The following ROBO1 variants were observed in gnomAD, a reference collection of about 807,000 sequenced individuals.
ROBO1 encodes roundabout homolog 1.
ROBO1 carries 149 observed loss-of-function variants against 195.9 expected under a neutral mutation model. That is an observed-to-expected ratio of 0.76 (90% CI 0.67 to 0.87). The LOEUF (loss-of-function observed/expected upper bound fraction) is 0.87, where lower values mean the gene tolerates loss of function less well. Ranked by LOEUF, ROBO1 falls within the 40% of genes least tolerant of loss-of-function variation. ROBO1 has a pLI of 0.00. For synonymous variants in ROBO1, 816 were observed against 733.2 expected, an observed-to-expected ratio of 1.11 and a Z score of -1.82; for missense variants, 1,933 against 2,068.3, an observed-to-expected ratio of 0.93 and a Z score of 1.27.
chr3:79,660,293 C>G (rs1348449319), intron 1 of ROBO1, among the ~76,000 whole-genome samples: 1 of 151,352 alleles, frequency 6.6e-6, no homozygotes, highest in Admixed American at 6.6e-5. Flanking sequence ...AATGCCAGCT[C>G]AAAGGCTATA....
chr3:78,663,750 T>C (rs1199602890), intron 14 of ROBO1, among the ~76,000 whole-genome samples: 1 of 152,182 alleles, frequency 6.6e-6, no homozygotes, highest in East Asian at 1.9e-4. Flanking sequence ...TGTGGACCCA[T>C]AGTATATAGC....
chr3:79,284,667 A>G (rs1367931661), intron 2 of ROBO1, among the ~76,000 whole-genome samples: 1 of 152,188 alleles, frequency 6.6e-6, no homozygotes, highest in East Asian at 1.9e-4. Context: ...GAAAGTAGAA[A>G]CTTGAGCTGG....
intron 9 of ROBO1, 25 bp from the exon 10 acceptor site, chr3:78,685,942 G>A: frequency 6.6e-7 from 1 of 1,515,216 alleles, no homozygotes; most frequent in African/African-American, 1.4e-5. Flanking sequence ...TTGGGATGGA[G>A]GAAAATAAAA....
chr3:79,751,256 T>G, intron 1 of ROBO1, among the ~76,000 whole-genome samples: 1 of 152,202 alleles, frequency 6.6e-6, no homozygotes, highest in East Asian at 1.9e-4. Context: ...ATACACATTT[T>G]ACATACTGTT....
intron 2 of ROBO1, among the ~76,000 whole-genome samples, chr3:79,588,157 A>G (rs905468725): frequency 5.9e-5 from 9 of 151,914 alleles, no homozygotes; most frequent in African/African-American, 2.2e-4. Flanking sequence ...ATGAAGTCGT[A>G]TACTGTAGAT....
chr3:79,525,074 T>C (rs1397842793), intron 2 of ROBO1, among the ~76,000 whole-genome samples: 2 of 151,844 alleles, frequency 1.3e-5, no homozygotes, highest in Non-Finnish European at 2.9e-5. Context: ...CAGTATACTT[T>C]CTTATGTTAT....
intron 8 of ROBO1, among the ~76,000 whole-genome samples, chr3:78,713,103 GCCTT>G (rs1424166980): frequency 1.3e-5 from 2 of 152,054 alleles, no homozygotes; most frequent in Non-Finnish European, 2.9e-5. Context: ...CTTAGTTTTA[GCCTT>G]ACTTGGAGTT....
At chr3:79,184,482 T>C (rs1340955800) in intron 2 of ROBO1, among the ~76,000 whole-genome samples, 1 of 152,116 alleles carries the variant, frequency 6.6e-6, no homozygotes, top group South Asian at 2.1e-4. Context: ...GCTTGTGCTT[T>C]AGAGAAGCAA....
In ROBO1 at chr3:78,666,606, G is replaced by A. The variant is rs958143106; in HGVS notation, c.1966+1277C>T. ...TGCCTTAAGGCAGGCTGCAAGTATAGTAAAGCTCCTGGAGAGGTGATTCAT... is the reference window on the plus strand; with the variant it reads ...TGCCTTAAGGCAGGCTGCAAGTATAATAAAGCTCCTGGAGAGGTGATTCAT... On this transcript the variant is annotated intron_variant, in intron 14 of 30. Transcript: ENST00000464233. Among the ~76,000 whole-genome samples, 3 of 152,176 alleles carry A rather than the reference G, an allele frequency of 2.0e-5. 1 individual carries two copies. The highest frequency in any genetic ancestry group is 4.1e-4 in the South Asian group (2 of 4,824).
chr3:79,656,169 C>T (rs980153381), intron 1 of ROBO1, among the ~76,000 whole-genome samples: 1 of 151,336 alleles, frequency 6.6e-6, no homozygotes, highest in South Asian at 2.1e-4. Flanking sequence ...GAAAGACTTC[C>T]GATTAAAAGG....
intron 3 of ROBO1, among the ~76,000 whole-genome samples, chr3:79,089,314 A>G (rs1323810301): frequency 6.6e-6 from 1 of 152,118 alleles, no homozygotes; most frequent in African/African-American, 2.4e-5. Flanking sequence ...AACAAGTACT[A>G]ACCTTGCTTT....
chr3:79,463,282 G>A (rs1226478810), intron 2 of ROBO1, among the ~76,000 whole-genome samples: 1 of 152,036 alleles, frequency 6.6e-6, no homozygotes, highest in African/African-American at 2.4e-5. Flanking sequence ...GGCTGAGGCA[G>A]GAGAATGGCG....
chr3:78,711,390 C>CTTTCTAT (rs1491298185), intron 8 of ROBO1, among the ~76,000 whole-genome samples: 1 of 35,088 alleles, frequency 2.8e-5, no homozygotes, highest in African/African-American at 9.8e-5. Flanking sequence ...TTCCTTCCTT[C>CTTTCTAT]CTTCCTTCCT....
At chr3:78,658,204 G>C (rs546462633) in intron 17 of ROBO1, among the ~76,000 whole-genome samples, 1 of 152,240 alleles carries the variant, frequency 6.6e-6, no homozygotes, top group African/African-American at 2.4e-5. Flanking sequence ...GATCTTCTGC[G>C]ATGTTTAAGA....
chr3:78,915,423 A>G (rs1454321464), intron 4 of ROBO1, among the ~76,000 whole-genome samples: 1 of 152,180 alleles, frequency 6.6e-6, no homozygotes, highest in Non-Finnish European at 1.5e-5. Context: ...ATAATCCTCC[A>G]TTTTTACTTC....
intron 2 of ROBO1, among the ~76,000 whole-genome samples, chr3:79,435,608 C>G (rs2038857664): frequency 6.6e-6 from 1 of 152,120 alleles, no homozygotes; most frequent in Non-Finnish European, 1.5e-5. Flanking sequence ...TAGACACAAA[C>G]AACATTACTG....
At chr3:78,637,228 T>C (rs1273389049) in intron 22 of ROBO1, among the ~76,000 whole-genome samples, 1 of 152,052 alleles carries the variant, frequency 6.6e-6, no homozygotes, top group African/African-American at 2.4e-5. Flanking sequence ...GAAAAATGTG[T>C]AATTTCTCTA....
At chr3:78,652,685 A>G (rs1463337113) in intron 18 of ROBO1, among the ~76,000 whole-genome samples, 2 of 152,196 alleles carry the variant, frequency 1.3e-5, no homozygotes, top group Non-Finnish European at 2.9e-5. Flanking sequence ...TAAATATGTA[A>G]AAGAATTATA....
intron 3 of ROBO1, among the ~76,000 whole-genome samples, chr3:79,105,083 A>G (rs2079753087): frequency 1.3e-5 from 2 of 151,830 alleles, no homozygotes; most frequent in African/African-American, 4.8e-5. Context: ...AAAAAAATCT[A>G]GGAGACCATC....
Sources: gnomAD v4.1 joint callset for allele counts (sites outside exome capture counted in the v4.1 genomes callset) on GRCh38, gnomAD v4.1.1 for gene constraint, MANE v1.5 for transcripts, NCBI Gene and HGNC (gene_info 2026-07-23, HGNC 2026-07-21) for gene names.